The following NF1 variants were observed in gnomAD, a reference collection of about 807,000 sequenced individuals.
The protein encoded by NF1 is neurofibromin.
Under a neutral mutation model 325.7 loss-of-function variants are expected in NF1, and 122 were observed. The ratio of observed to expected loss-of-function variants is 0.37; its 90% CI spans 0.32 to 0.44. NF1 has a LOEUF of 0.44. Among genes scored for constraint, NF1 ranks in the 20% least tolerant of loss-of-function variants. The pLI, the probability that NF1 is intolerant of heterozygous loss-of-function variation, is 1.00. For missense variants in NF1, 2,140 were observed against 3,415.4 expected (o/e 0.63, Z 9.31); for synonymous variants, 1,091 against 1,186.0 (o/e 0.92, Z 1.65).
chr17:31,328,216 C>G (rs1297427838), intron 38 of NF1, among the ~76,000 whole-genome samples: 1 of 152,146 alleles, frequency 6.6e-6, no homozygotes, highest in African/African-American at 2.4e-5. Context: ...AAAAGAAGGC[C>G]TAATGTTCAA....
intron 17 of NF1, among the ~76,000 whole-genome samples, chr17:31,225,903 G>A (rs1282463681): frequency 3.3e-5 from 5 of 151,950 alleles, no homozygotes; most frequent in Non-Finnish European, 5.9e-5. Flanking sequence ...TCTCCATTTC[G>A]TGTTTGGAGA....
chr17:31,256,702 G>A (rs1290989020), intron 31 of NF1, among the ~76,000 whole-genome samples: 7 of 152,140 alleles, frequency 4.6e-5, no homozygotes, highest in Admixed American at 2.6e-4. Context: ...AATTCTAAAT[G>A]TATATATTTG....
chr17:31,117,672 C>CAAAAAAAAAAAAAAAAA (rs780828438), intron 1 of NF1, among the ~76,000 whole-genome samples: 2 of 19,814 alleles, frequency 1.0e-4, no homozygotes, highest in African/African-American at 1.2e-4. Context: ...AACTCCATCT[C>CAAAAAAAAAAAAAAAAA]AAAAAAAAAA....
At chr17:31,121,671 A>G (rs1021845650) in intron 1 of NF1, among the ~76,000 whole-genome samples, 4 of 152,054 alleles carry the variant, frequency 2.6e-5, no homozygotes, top group African/African-American at 7.2e-5. Context: ...TTCTTCATCT[A>G]TTGAGATAAT....
intron 8 of NF1, among the ~76,000 whole-genome samples, chr17:31,186,030 T>C (rs1394702115): frequency 6.6e-6 from 1 of 152,170 alleles, no homozygotes; most frequent in Non-Finnish European, 1.5e-5. Context: ...AGTCACCTTG[T>C]GACCTGAACT....
intron 1 of NF1, among the ~76,000 whole-genome samples, chr17:31,110,297 A>G (rs1445371927): frequency 1.3e-5 from 2 of 152,250 alleles, no homozygotes; most frequent in Non-Finnish European, 2.9e-5. Context: ...GACTAGATGA[A>G]TTAGAATTCC....
At chr17:31,168,167 A>G (rs1190483102) in intron 4 of NF1, among the ~76,000 whole-genome samples, 18 of 152,168 alleles carry the variant, frequency 1.2e-4, no homozygotes, top group Non-Finnish European at 2.6e-4. Flanking sequence ...AAAATGGAAA[A>G]ATACACATAG....
chr17:31,280,226 A>ATTT lies in NF1; in HGVS notation c.4835+14887_4835+14888insTTT, dbSNP rs1567871975. Among the ~76,000 whole-genome samples the ATTT allele has an allele frequency of 4.4e-3, 653 of 149,746 alleles. 5 individuals carry two copies. The highest frequency in any genetic ancestry group is 0.016 in the African/African-American group (624 of 40,072). ...TTTTTTTTAATTTTTTTTTTTTTTA[A>ATTT]AAAAGAAAGAAATGTAAGAACCCAC... is the stretch of plus-strand genomic sequence containing the variant. On this transcript the variant is annotated intron_variant, in intron 36 of 57. Transcript: ENST00000358273.
At position 31,326,114 on chromosome 17, in the gene NF1, C is replaced by G. The variant is rs2151538606; in HGVS notation, c.5130C>G (p.Asp1710Glu). The change falls in exon 37 of 58, where the codon GAC becomes GAG. Residue 1710 changes from aspartate to glutamate, a missense_variant. Physicochemically the swap from Asp to Glu is conservative, Grantham distance 45 (BLOSUM62 2). This residue lies in a region of NF1 where 147 missense variants were observed against 186.7 expected (regional missense o/e 0.79). Coordinates refer to ENST00000358273, the MANE Select transcript of NF1 (RefSeq NM_001042492.3). ...LKGSKRLVFI[D>E]CPGKLAEHIE... is the part of the protein sequence containing the mutation. Reference sequence around the variant, plus strand: ...GTAGCAAAAGGCTTGTTTTCATAGACTGTCCTGGGAAACTGGCTGAGCACA... The same window carrying G: ...GTAGCAAAAGGCTTGTTTTCATAGAGTGTCCTGGGAAACTGGCTGAGCACA... 6.2e-7 allele frequency: 1 copy of G among 1,613,338 alleles called. No individual in the cohort carries two copies. The highest frequency in any genetic ancestry group is 2.2e-5 in the East Asian group (1 of 44,870).
In NF1 at chr17:31,230,242, G is replaced by T. The variant is rs2067089429; in HGVS notation, c.2991-18G>T. On this transcript the variant is annotated intron_variant, in intron 22 of 57. Coordinates refer to ENST00000358273, the MANE Select transcript of NF1 (RefSeq NM_001042492.3). ...GTCTATATCTGATAATTTTTTTATT[G>T]TTTCTATGTCTATATAGGTATGTTC... 2 of 1,609,882 alleles carry T rather than the reference G, an allele frequency of 1.2e-6. No homozygotes were observed. The highest frequency in any genetic ancestry group is 1.3e-5 in the African/African-American group (1 of 74,696).
At chr17:31,372,921 C>T (rs762949539) in intron 57 of NF1, among the ~76,000 whole-genome samples, 2 of 152,066 alleles carry the variant, frequency 1.3e-5, no homozygotes, top group Non-Finnish European at 2.9e-5. Context: ...GAGGCTGAGG[C>T]GAGAGGATAG....
At chr17:31,107,670 C>A (rs895023702) in intron 1 of NF1, among the ~76,000 whole-genome samples, 5 of 152,132 alleles carry the variant, frequency 3.3e-5, no homozygotes. Flanking sequence ...CCCACCCCCA[C>A]CAAAAAATTT....
intron 1 of NF1, chr17:31,138,228 C>T (rs889697163): frequency 6.6e-6 from 1 of 151,226 alleles, no homozygotes; most frequent in Admixed American, 6.6e-5. Context: ...TAGAAAATAT[C>T]TTGACTTTAT....
chr17:31,187,747 T>C (rs1040038137), intron 8 of NF1, among the ~76,000 whole-genome samples: 1 of 152,178 alleles, frequency 6.6e-6, no homozygotes, highest in African/African-American at 2.4e-5. Context: ...AAAATTTTTC[T>C]TCCCGTTCTT....
intron 1 of NF1, among the ~76,000 whole-genome samples, chr17:31,107,180 ATG>A (rs1051549375): frequency 1.3e-5 from 2 of 151,806 alleles, no homozygotes; most frequent in Non-Finnish European, 2.9e-5. Context: ...GTCTGGGAAA[ATG>A]TGCCTTTATG....
chr17:31,142,467 C>A lies in NF1; in HGVS notation c.61-13516C>A, dbSNP rs565267943. ...TGCTCAAGGTTTTTTCCTCCTCATT[C>A]TAGGCATAATTATTTTCTTATATGT... On this transcript the variant is annotated intron_variant, in intron 1 of 57. Coordinates refer to ENST00000358273, the MANE Select transcript of NF1 (RefSeq NM_001042492.3). 2.0e-5 allele frequency among the ~76,000 whole-genome samples: 3 copies of A among 152,214 alleles called. No homozygotes were observed. In the East Asian group the frequency reaches 5.8e-4, roughly 29 times the overall value.
intron 36 of NF1, among the ~76,000 whole-genome samples, chr17:31,301,531 C>A (rs2040792): frequency 0.49 from 73,977 of 151,874 alleles, 20,169 homozygotes; most frequent in Non-Finnish European, 0.62. Flanking sequence ...GATCAGAATT[C>A]AGTAAGAACA....
chr17:31,292,220 A>G (rs1201888978), intron 36 of NF1, among the ~76,000 whole-genome samples: 2 of 152,148 alleles, frequency 1.3e-5, no homozygotes, highest in African/African-American at 4.8e-5. Context: ...ATAGATATAG[A>G]TGTATGTGTA....
chr17:31,153,726 T>G (rs1280338895), intron 1 of NF1, among the ~76,000 whole-genome samples: 2 of 151,816 alleles, frequency 1.3e-5, no homozygotes, highest in Admixed American at 6.6e-5. Context: ...TCCTCCTGCC[T>G]CAGCCTCTTG....
Sources: allele counts gnomAD v4.1 joint callset (sites outside exome capture counted in the v4.1 genomes callset), GRCh38; gene constraint gnomAD v4.1.1; regional missense constraint gnomAD v4.1.1; transcripts MANE v1.5; gene names NCBI Gene and HGNC (gene_info 2026-07-23, HGNC 2026-07-21).